The following VPS54 variants were observed in gnomAD, a reference collection of about 807,000 sequenced individuals.
The protein encoded by VPS54 is VPS54 subunit of GARP complex.
VPS54 carries 45 observed loss-of-function variants against 121.5 expected under a neutral mutation model. The observed-to-expected ratio is 0.37, with a 90% CI of 0.29 to 0.47. The LOEUF is 0.47. VPS54 is among the 20% of genes least tolerant of loss of function. The pLI, the probability that VPS54 is intolerant of heterozygous loss-of-function variation, is 0.99. For synonymous variants in VPS54, 371 were observed against 385.8 expected (o/e 0.96, Z 0.45); for missense variants, 1,090 against 1,131.4 (o/e 0.96, Z 0.52).
chr2:63,981,954 C>A, intron 2 of VPS54, 67 bp from the exon 3 acceptor site: 2 of 1,487,554 alleles, frequency 1.3e-6, no homozygotes, highest in Admixed American at 2.2e-5. Context: ...AAAGTACACA[C>A]TAGAAAACTA....
At chr2:63,898,892 C>G (rs1162658520) in intron 21 of VPS54, among the ~76,000 whole-genome samples, 1 of 151,966 alleles carries the variant, frequency 6.6e-6, no homozygotes, top group Non-Finnish European at 1.5e-5. Context: ...GTGAAGAGAA[C>G]TCTGTGATAA....
At chr2:64,001,714 G>A (rs573139088) in intron 1 of VPS54, among the ~76,000 whole-genome samples, 1 of 152,090 alleles carries the variant, frequency 6.6e-6, no homozygotes, top group Non-Finnish European at 1.5e-5. Flanking sequence ...ATCCTACTGT[G>A]GTTGAGCTGA....
intron 1 of VPS54, among the ~76,000 whole-genome samples, chr2:63,989,921 A>G (rs963141362): frequency 6.6e-5 from 10 of 152,218 alleles, no homozygotes; most frequent in African/African-American, 2.4e-4. Flanking sequence ...CACTCTATTC[A>G]AGGCGGTGGA....
At chr2:64,016,649 C>G (rs1206831371) in intron 1 of VPS54, among the ~76,000 whole-genome samples, 3 of 150,754 alleles carry the variant, frequency 2.0e-5, no homozygotes, top group African/African-American at 7.3e-5. Flanking sequence ...CGTTCTGTCA[C>G]CCAGCCTGTA....
rs1678858370 is a variant in VPS54, at chr2:64,019,128, C to T, written c.-211G>A. The T allele has an allele frequency of 6.6e-6, 1 of 151,128 alleles. No homozygotes were observed. The highest frequency in any genetic ancestry group is 2.4e-5 in the African/African-American group (1 of 41,292). The allele number at this position is 151,128 out of a possible 1,614,324, so 9.4% of individuals were successfully genotyped here. On this transcript the variant is annotated 5_prime_UTR_variant, in exon 1 of 23. Transcript: ENST00000272322. ...CCCGGGGAGCACAGGGCCGCCCTCT[C>T]GAGCCCAGCTTCACTCAGGGGTGAG...
At chr2:63,937,536 A>G (rs1200594082) in intron 11 of VPS54, among the ~76,000 whole-genome samples, 2 of 152,162 alleles carry the variant, frequency 1.3e-5, no homozygotes, top group East Asian at 3.8e-4. Flanking sequence ...ACCCTGCACT[A>G]TTGGTGGAAA....
At position 63,956,129 on chromosome 2, in the gene VPS54, ACT is replaced by A. The variant is rs142424661; in HGVS notation, c.1010+5927_1010+5928del. Among the ~76,000 whole-genome samples, 47 of 152,180 alleles carry A rather than the reference ACT, an allele frequency of 3.1e-4. 1 individual carries two copies. In the East Asian group the frequency reaches 8.1e-3, roughly 26 times the overall value. ...ATCAGAAAACCTTGTATATCAATAA[ACT>A]CTGTAGAATTCTAGTTTCATCAAAT... On this transcript the variant is annotated intron_variant, in intron 7 of 22. Coordinates refer to ENST00000272322, the MANE Select transcript of VPS54 (RefSeq NM_016516.3).
intron 11 of VPS54, among the ~76,000 whole-genome samples, chr2:63,934,274 A>G (rs1674352278): frequency 6.6e-6 from 1 of 152,158 alleles, no homozygotes; most frequent in African/African-American, 2.4e-5. Context: ...TCTCCCTAAA[A>G]TATGTTGCAT....
Position 63,935,880 on chromosome 2 carries a change from A to G in VPS54, c.1399-1867T>C, listed in dbSNP as rs1456878537. ...GGTGAAAAATTCTAAATTTGGCTTA[A>G]TCGATAAAGGAATTTCATTTGGTGA... On this transcript the variant is annotated intron_variant, in intron 11 of 22. Transcript: ENST00000272322. 2.0e-5 allele frequency among the ~76,000 whole-genome samples: 3 copies of G among 152,190 alleles called. No homozygotes were observed. In the East Asian group the frequency reaches 5.8e-4, roughly 29 times the overall value.
intron 7 of VPS54, among the ~76,000 whole-genome samples, chr2:63,961,387 T>C (rs1348531757): frequency 1.3e-5 from 2 of 152,246 alleles, no homozygotes; most frequent in East Asian, 1.9e-4. Context: ...ACAGAGCACA[T>C]CTTCCATAAA....
chr2:63,933,619 C>T, intron 12 of VPS54, 54 bp downstream of exon 12: 4 of 1,471,048 alleles, frequency 2.7e-6, no homozygotes, highest in Middle Eastern at 1.8e-4. Context: ...TTACTGAATC[C>T]ATTAATAAGA....
chr2:64,010,734 T>C (rs1035406870), intron 1 of VPS54, among the ~76,000 whole-genome samples: 1 of 151,848 alleles, frequency 6.6e-6, no homozygotes, highest in African/African-American at 2.4e-5. Flanking sequence ...TTTTTTAAAA[T>C]GCGTATCACA....
chr2:63,974,076 G>A (rs1376771472), intron 3 of VPS54, among the ~76,000 whole-genome samples: 1 of 152,118 alleles, frequency 6.6e-6, no homozygotes, highest in African/African-American at 2.4e-5. Flanking sequence ...AAGTTTTATA[G>A]TTTTGCATTT....
chr2:63,979,751 A>G (rs1235411084), intron 3 of VPS54, among the ~76,000 whole-genome samples: 1 of 152,196 alleles, frequency 6.6e-6, no homozygotes, highest in Admixed American at 6.5e-5. Flanking sequence ...ATTTAGAAGC[A>G]TAAAGTTCTG....
intron 1 of VPS54, among the ~76,000 whole-genome samples, chr2:63,998,277 CT>C (rs1425749419): frequency 6.6e-6 from 1 of 151,998 alleles, no homozygotes; most frequent in Non-Finnish European, 1.5e-5. Context: ...TTTTCCATCC[CT>C]TTTTTTGTCT....
chr2:64,010,812 T>C (rs567136271), intron 1 of VPS54, among the ~76,000 whole-genome samples: 1 of 152,306 alleles, frequency 6.6e-6, no homozygotes, highest in East Asian at 1.9e-4. Flanking sequence ...AATACTAACA[T>C]TGGGGCTGTC....
At chr2:64,002,332 TA>T (rs1255995907) in intron 1 of VPS54, among the ~76,000 whole-genome samples, 2 of 152,224 alleles carry the variant, frequency 1.3e-5, no homozygotes, top group Non-Finnish European at 2.9e-5. Flanking sequence ...TTTTGTTTCT[TA>T]TGAAAGTGCT....
At chr2:63,965,551 A>G (rs1001642140) in intron 6 of VPS54, among the ~76,000 whole-genome samples, 12 of 152,226 alleles carry the variant, frequency 7.9e-5, no homozygotes, top group Non-Finnish European at 1.5e-4. Context: ...AAAGCAATTT[A>G]TTGTGTTAGC....
chr2:63,926,501 T>G (rs530754790), intron 12 of VPS54, among the ~76,000 whole-genome samples: 2 of 152,340 alleles, frequency 1.3e-5, no homozygotes, highest in African/African-American at 4.8e-5. Context: ...CATAAAGTAC[T>G]GAGCTGACCG....
Sources: gnomAD v4.1 joint callset for allele counts (sites outside exome capture counted in the v4.1 genomes callset) on GRCh38, gnomAD v4.1.1 for gene constraint, MANE v1.5 for transcripts, NCBI Gene and HGNC (gene_info 2026-07-23, HGNC 2026-07-21) for gene names.